Variants in GANC observed in about 807,000 individuals in gnomAD.
GANC encodes the protein glucosidase alpha, neutral C, also known as neutral alpha-glucosidase C.
Under a neutral mutation model 124.2 loss-of-function variants are expected in GANC, and 117 were observed. The ratio of observed to expected loss-of-function variants is 0.94; its 90% CI spans 0.81 to 1.10. The LOEUF (loss-of-function observed/expected upper bound fraction) is 1.10. Among genes scored for constraint, GANC ranks in the 50% least tolerant of loss-of-function variants. The pLI, the probability that GANC is intolerant of heterozygous loss-of-function variation, is 0.00. For missense variants in GANC, 1,140 were observed against 1,095.0 expected, an observed-to-expected ratio of 1.04 and a Z score of -0.58; for synonymous variants, 377 against 376.8, an observed-to-expected ratio of 1.00 and a Z score of -0.01.
Position 42,273,508 on chromosome 15 carries a change from C to G in GANC, c.-974C>G. 2 of 1,520,128 alleles carry G rather than the reference C, an allele frequency of 1.3e-6. No homozygotes were observed. The highest frequency in any genetic ancestry group is 1.8e-6 in the Non-Finnish European group (2 of 1,135,932). The allele number at this position is 1,520,128 out of a possible 1,614,324, so 94.2% of individuals were successfully genotyped here. A position where few individuals can be genotyped will look rare whatever the true frequency, so the allele number is the denominator to read the frequency against. On this transcript the variant is annotated 5_prime_UTR_variant, in exon 1 of 24. Coordinates refer to ENST00000318010, the MANE Select transcript of GANC (RefSeq NM_198141.3). ...GATTATCCGGGTCCTGGAAACGTCG[C>G]GGAGCTTGTTTGCTGTGCGGCGTAG... is the stretch of plus-strand genomic sequence containing the variant.
chr15:42,283,892 G>A (rs772555037), intron 3 of GANC: 16 of 702,522 alleles, frequency 2.3e-5, no homozygotes, highest in Non-Finnish European at 3.9e-5. Flanking sequence ...TGGGGAACAG[G>A]CCAGTGCCCA....
At chr15:42,340,923 G>A (rs545826144) in intron 18 of GANC, among the ~76,000 whole-genome samples, 169 bp downstream of exon 18, 16 of 151,804 alleles carry the variant, frequency 1.1e-4, no homozygotes, top group African/African-American at 3.9e-4. Context: ...CCGCCACCAT[G>A]CCCGGCTAAT....
chr15:42,352,353 A>C lies in GANC; in HGVS notation c.*214A>C. On this transcript the variant is annotated 3_prime_UTR_variant, in exon 24 of 24. Transcript: ENST00000318010. ...TGTACTAACAATATTCCTTGTATCA[A>C]ACATCTCCTTTTCTCCCTGATACAT... 1 of 1,353,358 alleles carries C rather than the reference A, an allele frequency of 7.4e-7. No homozygotes were observed. The allele number at this position is 1,353,358 out of a possible 1,614,324, so 83.8% of individuals were successfully genotyped here. A position where few individuals can be genotyped will look rare whatever the true frequency, so the allele number is the denominator to read the frequency against.
At chr15:42,281,162 A>T (rs915854261) in intron 3 of GANC, 7 of 699,776 alleles carry the variant, frequency 1.0e-5, no homozygotes, top group Non-Finnish European at 1.6e-5. Flanking sequence ...CCACATAGGG[A>T]ATCTGCATGC....
intron 10 of GANC, chr15:42,314,972 A>C (rs2052089731): frequency 6.6e-6 from 1 of 152,200 alleles, no homozygotes; most frequent in South Asian, 2.1e-4. Flanking sequence ...CATACACCAA[A>C]TTGTTCTCAC....
At chr15:42,330,019 C>G (rs1017287176) in intron 14 of GANC, among the ~76,000 whole-genome samples, 1 of 152,116 alleles carries the variant, frequency 6.6e-6, no homozygotes, top group Non-Finnish European at 1.5e-5. Flanking sequence ...TCATGTATAC[C>G]CATGGTTCTT....
chr15:42,322,015 C>G lies in GANC; in HGVS notation c.1288C>G (p.Arg430Gly). 1 of 1,608,752 alleles carries G rather than the reference C, an allele frequency of 6.2e-7. No homozygotes were observed. Among genetic ancestry groups the G allele is most frequent in the Non-Finnish European group, 8.5e-7 (1 of 1,177,306 alleles). The change falls in exon 11 of 24, where the codon CGT (arginine) becomes GGT (glycine). Residue 430 changes from arginine to glycine, a missense_variant. Arg to Gly is a moderately radical substitution (Grantham distance 125, BLOSUM62 -2). Coordinates refer to ENST00000318010, the MANE Select transcript of GANC (RefSeq NM_198141.3). ...RMQELLRSKKRKLVVISDPHI... is the reference protein window; with the variant it reads ...RMQELLRSKKGKLVVISDPHI... ...GCAAGAGCTGCTCAGGAGCAAAAAG[C>G]GTAAGGTAAAATAAGCCAACATTTC...
At chr15:42,316,070 G>A (rs1373149635) in intron 10 of GANC, among the ~76,000 whole-genome samples, 1 of 151,964 alleles carries the variant, frequency 6.6e-6, no homozygotes, top group East Asian at 1.9e-4. Flanking sequence ...TGTGTTCTCT[G>A]AAGAACCCTA....
chr15:42,300,736 G>A (rs2051937337), intron 6 of GANC, among the ~76,000 whole-genome samples: 1 of 152,162 alleles, frequency 6.6e-6, no homozygotes, highest in South Asian at 2.1e-4. Flanking sequence ...AAGAAAATAT[G>A]GGACTGGGTG....
chr15:42,303,590 T>A (rs2051966716), intron 6 of GANC, among the ~76,000 whole-genome samples: 1 of 149,182 alleles, frequency 6.7e-6, no homozygotes. Flanking sequence ...GACCCACCAG[T>A]GTGCTGTGTT....
rs547145707 is a variant in GANC at position 42,292,851 on chromosome 15, T to A, written c.446T>A (p.Val149Asp). Residue 149 changes from valine to aspartate, a missense_variant, in exon 5 of 24, where the codon GTT becomes GAT. Val to Asp is a radical substitution (Grantham distance 152). Coordinates refer to ENST00000318010, the MANE Select transcript of GANC (RefSeq NM_198141.3). ...FKVDLVSEEEVVISINSLGQL... is the reference protein window; with the variant it reads ...FKVDLVSEEEDVISINSLGQL... Reference sequence around the variant, plus strand: ...GTAGACTTGGTGTCTGAAGAAGAGGTTGTGATTAGCATAAATTCCCTGGGC... The same window carrying A: ...GTAGACTTGGTGTCTGAAGAAGAGGATGTGATTAGCATAAATTCCCTGGGC... The A allele has an allele frequency of 3.7e-6, 6 of 1,613,960 alleles. No homozygotes were observed. The East Asian group carries it at 8.9e-5, about 24-fold the overall frequency.
chr15:42,339,938 A>G (rs971328152), intron 17 of GANC, 26 bp downstream of exon 17: 3 of 1,600,502 alleles, frequency 1.9e-6, no homozygotes. Context: ...CCATTCAGGG[A>G]CCCCAGCAAC....
intron 10 of GANC, 119 bp from the exon 11 acceptor site, chr15:42,321,666 C>T: frequency 2.3e-6 from 2 of 851,810 alleles, no homozygotes. Flanking sequence ...CTTTCTTCTC[C>T]TTGTTATTCT....
chr15:42,340,659 G>T, intron 17 of GANC, 31 bp from the exon 18 acceptor site: 2 of 1,456,732 alleles, frequency 1.4e-6, no homozygotes, highest in Non-Finnish European at 1.9e-6. Flanking sequence ...TGTCTATAAT[G>T]TTAAAACAAT....
chr15:42,328,683 C>T (rs1282069677), intron 13 of GANC, among the ~76,000 whole-genome samples: 1 of 152,138 alleles, frequency 6.6e-6, no homozygotes, highest in African/African-American at 2.4e-5. Flanking sequence ...GAGGGACTCC[C>T]TGTCTTTTTA....
At chr15:42,307,494 C>T (rs773123324) in intron 7 of GANC, among the ~76,000 whole-genome samples, 3 of 152,050 alleles carry the variant, frequency 2.0e-5, no homozygotes, top group Non-Finnish European at 4.4e-5. Flanking sequence ...CCACCATACC[C>T]GGCCATGTCA....
chr15:42,348,180 ATCC>A lies in GANC; in HGVS notation c.2387_2389del (p.Ser796del), dbSNP rs1372009005. 1 of 1,612,432 alleles carries A rather than the reference ATCC, an allele frequency of 6.2e-7. No individual in the cohort carries two copies. The highest frequency in any genetic ancestry group is 8.5e-7 in the Non-Finnish European group (1 of 1,179,402). ...GAAAATCCACAGGCTGGATGACTGA[ATCC>A]TCCTATGGACTCCGGGTTGCTCTAA... On this transcript the variant is annotated inframe_deletion, in exon 21 of 24. Coordinates refer to ENST00000318010, the MANE Select transcript of GANC (RefSeq NM_198141.3).
intron 11 of GANC, among the ~76,000 whole-genome samples, chr15:42,325,212 G>A (rs1436564155): frequency 6.6e-6 from 1 of 152,104 alleles, no homozygotes; most frequent in Non-Finnish European, 1.5e-5. Flanking sequence ...GGCGGAGGTT[G>A]CAATGAGCCG....
chr15:42,351,236 TG>T, intron 22 of GANC, 92 bp from the exon 23 acceptor site: 1 of 824,668 alleles, frequency 1.2e-6, no homozygotes, highest in Non-Finnish European at 2.1e-6. Context: ...AAGGGACAGA[TG>T]GGAGAGGAAC....
Sources: allele counts gnomAD v4.1 joint callset (sites outside exome capture counted in the v4.1 genomes callset), GRCh38; gene constraint gnomAD v4.1.1; transcripts MANE v1.5; gene names NCBI Gene and HGNC (gene_info 2026-07-23, HGNC 2026-07-21).